PRKCH: variants seen among roughly 807,000 people sequenced by gnomAD.
The protein encoded by PRKCH is protein kinase C eta.
Under a neutral mutation model 82.5 loss-of-function variants are expected in PRKCH, and 28 were observed. The ratio of observed to expected loss-of-function variants is 0.34; its 90% CI spans 0.25 to 0.47. The LOEUF (loss-of-function observed/expected upper bound fraction) is 0.47. Ranked by LOEUF, PRKCH falls within the 20% of genes least tolerant of loss-of-function variation. The pLI is 1.00. For synonymous variants in PRKCH, 322 were observed against 327.4 expected (o/e 0.98, Z 0.18); for missense variants, 705 against 881.8 (o/e 0.80, Z 2.54).
chr14:61,423,294 C>G (rs938782133), intron 2 of PRKCH, among the ~76,000 whole-genome samples: 1 of 152,294 alleles, frequency 6.6e-6, no homozygotes, highest in Non-Finnish European at 1.5e-5. Flanking sequence ...GGGTATTGGA[C>G]ACTCATTACG....
At chr14:61,281,776 C>G (rs1448482286) in intron 1 of PRKCH, 1 of 159,872 alleles carries the variant, frequency 6.3e-6, no homozygotes, top group East Asian at 1.9e-4. Flanking sequence ...TCACAAACCG[C>G]TTTCGCCCAG....
At chr14:61,308,698 G>A (rs749494601) in intron 1 of PRKCH, among the ~76,000 whole-genome samples, 9 of 152,208 alleles carry the variant, frequency 5.9e-5, no homozygotes, top group South Asian at 2.1e-4. Flanking sequence ...GTACAAACAC[G>A]GTTCACTGCA....
At chr14:61,511,353 C>G (rs1263502343) in intron 10 of PRKCH, among the ~76,000 whole-genome samples, 1 of 152,046 alleles carries the variant, frequency 6.6e-6, no homozygotes, top group Non-Finnish European at 1.5e-5. Context: ...GCAGAGCCTG[C>G]CTGGGGAGCT....
intron 1 of PRKCH, among the ~76,000 whole-genome samples, chr14:61,354,523 A>G (rs2046123844): frequency 6.7e-6 from 1 of 149,210 alleles, no homozygotes; most frequent in African/African-American, 2.5e-5. Flanking sequence ...TTTCTTAGGG[A>G]ATATTTTTTT....
At chr14:61,437,848 G>C (rs911530120) in intron 2 of PRKCH, among the ~76,000 whole-genome samples, 2 of 151,918 alleles carry the variant, frequency 1.3e-5, no homozygotes, top group African/African-American at 4.8e-5. Context: ...TGTAATCCCA[G>C]CAGTTTGGGA....
intron 4 of PRKCH, among the ~76,000 whole-genome samples, chr14:61,447,341 C>T (rs1047156341): frequency 6.6e-6 from 1 of 152,206 alleles, no homozygotes; most frequent in Non-Finnish European, 1.5e-5. Flanking sequence ...AACAAATCCA[C>T]TTCTATAGTT....
chr14:61,354,186 AT>A (rs1380130852), intron 1 of PRKCH, among the ~76,000 whole-genome samples: 1 of 152,154 alleles, frequency 6.6e-6, no homozygotes, highest in African/African-American at 2.4e-5. Flanking sequence ...TATAGATGAG[AT>A]GGTTGGCATT....
chr14:61,402,546 C>T (rs1407769861), intron 2 of PRKCH, among the ~76,000 whole-genome samples: 1 of 152,154 alleles, frequency 6.6e-6, no homozygotes, highest in Non-Finnish European at 1.5e-5. Flanking sequence ...CCTGTAATCC[C>T]AGCACTTTGG....
At chr14:61,436,947 C>T (rs906117212) in intron 2 of PRKCH, among the ~76,000 whole-genome samples, 1 of 152,262 alleles carries the variant, frequency 6.6e-6, no homozygotes, top group Non-Finnish European at 1.5e-5. Context: ...TTCCTCTTTT[C>T]CAAAGACTAC....
intron 1 of PRKCH, among the ~76,000 whole-genome samples, chr14:61,343,746 C>T (rs1222977299): frequency 6.6e-6 from 1 of 152,072 alleles, no homozygotes; most frequent in East Asian, 1.9e-4. Context: ...AGAGTTTTGT[C>T]CATAACTTTG....
intron 4 of PRKCH, among the ~76,000 whole-genome samples, chr14:61,447,840 G>C (rs559645057): frequency 6.6e-6 from 1 of 152,168 alleles, no homozygotes; most frequent in Non-Finnish European, 1.5e-5. Flanking sequence ...CAGTAGGAAA[G>C]TAGAAAGATC....
At chr14:61,397,030 G>C (rs1459578699) in intron 2 of PRKCH, among the ~76,000 whole-genome samples, 1 of 152,212 alleles carries the variant, frequency 6.6e-6, no homozygotes, top group African/African-American at 2.4e-5. Context: ...TAAGTTCAAG[G>C]GTGGGGAAGG....
chr14:61,305,285 G>T (rs2140106699), intron 1 of PRKCH: 1 of 152,046 alleles, frequency 6.6e-6, no homozygotes, highest in Admixed American at 6.6e-5. Context: ...CAAGGCTTAA[G>T]TGATCCTCCC....
At chr14:61,536,144 G>T (rs2043105591) in intron 12 of PRKCH, among the ~76,000 whole-genome samples, 1 of 151,630 alleles carries the variant, frequency 6.6e-6, no homozygotes, top group African/African-American at 2.4e-5. Flanking sequence ...CTTAAATCCA[G>T]TCTCGGGTTC....
intron 1 of PRKCH, among the ~76,000 whole-genome samples, chr14:61,243,594 T>A (rs1044495374): frequency 1.3e-5 from 2 of 151,878 alleles, no homozygotes; most frequent in Non-Finnish European, 2.9e-5. Flanking sequence ...GCCTTATAGA[T>A]CTTATTAATG....
intron 9 of PRKCH, among the ~76,000 whole-genome samples, chr14:61,480,539 G>A (rs767861056): frequency 6.6e-6 from 1 of 152,218 alleles, no homozygotes; most frequent in Non-Finnish European, 1.5e-5. Context: ...TTTTGCTGGA[G>A]TGATTTGCTT....
intron 1 of PRKCH, among the ~76,000 whole-genome samples, chr14:61,228,473 C>T (rs903232488): frequency 2.0e-5 from 3 of 152,090 alleles, no homozygotes; most frequent in South Asian, 2.1e-4. Flanking sequence ...GGAGGATTGG[C>T]GATCAGAGTT....
chr14:61,218,766 C>G (rs1169372905), intron 1 of PRKCH, among the ~76,000 whole-genome samples: 1 of 152,196 alleles, frequency 6.6e-6, no homozygotes, highest in East Asian at 1.9e-4. Flanking sequence ...CTTTGATCGT[C>G]AAATGTTTCA....
intron 1 of PRKCH, among the ~76,000 whole-genome samples, chr14:61,250,084 A>AC (rs71117803): frequency 1 from 148,980 of 149,118 alleles, 74,421 homozygotes; most frequent in Middle Eastern, 1. Flanking sequence ...ACATGGTGAA[A>AC]CCCCATCTCT....
Sources: allele counts gnomAD v4.1 joint callset (sites outside exome capture counted in the v4.1 genomes callset), GRCh38; gene constraint gnomAD v4.1.1; transcripts MANE v1.5; gene names NCBI Gene and HGNC (gene_info 2026-07-23, HGNC 2026-07-21).